The following ZNF26 variants were observed in gnomAD, a reference collection of about 807,000 sequenced individuals.
ZNF26 encodes zinc finger protein 26, also known as epididymis luminal protein 179.
Under a neutral mutation model 54.9 loss-of-function variants are expected in ZNF26, and 32 were observed. The observed-to-expected ratio is 0.58, with a 90% CI of 0.44 to 0.78. ZNF26 has a LOEUF of 0.78. Among genes scored for constraint, ZNF26 ranks in the 30% least tolerant of loss-of-function variants. The probability of loss-of-function intolerance (pLI) is 0.00; values close to 1 mark genes in which losing one functional copy is unlikely to be tolerated. For missense variants in ZNF26, 524 were observed against 634.0 expected, an observed-to-expected ratio of 0.83 and a Z score of 1.86; for synonymous variants, 221 against 209.2, an observed-to-expected ratio of 1.06 and a Z score of -0.49.
intron 1 of ZNF26, among the ~76,000 whole-genome samples, chr12:132,998,804 T>TC (rs374188861): frequency 0.016 from 2,487 of 152,304 alleles, 75 homozygotes; most frequent in African/African-American, 0.056. Context: ...AACCAGTCTC[T>TC]CAATTGTGTC....
rs77349696 is a variant in ZNF26 at position 133,026,519 on chromosome 12, C to CTTTTTTTTTT, written c.*15054_*15063dup. 2.4e-5 allele frequency: 3 copies of CTTTTTTTTTT among 122,466 alleles called. No homozygotes were observed. Among genetic ancestry groups the CTTTTTTTTTT allele is most frequent in the African/African-American group, 1.1e-4 (3 of 27,450 alleles). The allele number at this position is 122,466 out of a possible 1,614,324, so 7.6% of individuals were successfully genotyped here. On this transcript the variant is annotated 3_prime_UTR_variant, in exon 4 of 4. Coordinates refer to ENST00000328654, the MANE Select transcript of ZNF26 (RefSeq NM_019591.4). ...AAAAGGACAACTTCATATAGTTCAACTTTTTTTTTTTTTTTTTTTTTTTTT... is the reference window on the plus strand; with the variant it reads ...AAAAGGACAACTTCATATAGTTCAACTTTTTTTTTTTTTTTTTTTTTTTTTTTTTTTTTTT...
chr12:132,994,017 C>G (rs959386029), intron 1 of ZNF26, among the ~76,000 whole-genome samples: 4 of 152,132 alleles, frequency 2.6e-5, no homozygotes, highest in Non-Finnish European at 5.9e-5. Context: ...TTTGGTATAT[C>G]TCTCTTCCCT....
At chr12:133,006,818 C>T in intron 1 of ZNF26, 1 of 511,926 alleles carries the variant, frequency 2.0e-6, no homozygotes, top group Admixed American at 3.2e-5. Context: ...TGGTCTTGAA[C>T]TCCTGCCCTT....
At chr12:132,987,597 A>G (rs1952852630) in intron 1 of ZNF26, 1 of 555,082 alleles carries the variant, frequency 1.8e-6, no homozygotes. Flanking sequence ...GAGACTAGGA[A>G]TGCTATTGGA....
At position 133,026,715 on chromosome 12, in the gene ZNF26, T is replaced by TG. The variant is rs1421511570; in HGVS notation, c.*15238dup. ...ATAATGTTTGTATTTTTAGTAGAGG[T>TG]GGGGTTTCACCATGTTGACTAGGCT... On this transcript the variant is annotated 3_prime_UTR_variant, in exon 4 of 4. Coordinates refer to ENST00000328654, the MANE Select transcript of ZNF26 (RefSeq NM_019591.4). The TG allele has an allele frequency of 6.6e-6, 1 of 151,574 alleles. No individual in the cohort carries two copies. Among genetic ancestry groups the TG allele is most frequent in the South Asian group, 2.1e-4 (1 of 4,800 alleles). The allele number at this position is 151,574 out of a possible 1,614,324, so 9.4% of individuals were successfully genotyped here.
chr12:132,998,414 C>G (rs1195807840), intron 1 of ZNF26, among the ~76,000 whole-genome samples: 1 of 152,144 alleles, frequency 6.6e-6, no homozygotes, highest in Non-Finnish European at 1.5e-5. Context: ...ATCTGCCCTC[C>G]TCAGCCTCCC....
rs1371628355 is a variant in ZNF26 at position 133,023,509 on chromosome 12, T to C, written c.*12028T>C. On this transcript the variant is annotated 3_prime_UTR_variant, in exon 4 of 4. Transcript: ENST00000328654. Reference sequence around the variant, plus strand: ...AAAATAAATACAGGTCAATCTAATATATGAAAATTTTCTGAGTAAATGAAA... The same window carrying C: ...AAAATAAATACAGGTCAATCTAATACATGAAAATTTTCTGAGTAAATGAAA... 2.0e-5 allele frequency: 3 copies of C among 152,206 alleles called. No individual in the cohort carries two copies. Among genetic ancestry groups the C allele is most frequent in the African/African-American group, 7.2e-5 (3 of 41,444 alleles). The allele number at this position is 152,206 out of a possible 1,614,324, so 9.4% of individuals were successfully genotyped here. A position where few individuals can be genotyped will look rare whatever the true frequency, so the allele number is the denominator to read the frequency against.
rs1593655604 is a variant in ZNF26, at chr12:133,002,428, C to T, written c.34-4614C>T. On this transcript the variant is annotated intron_variant, in intron 1 of 3. Transcript: ENST00000328654. ...GTATCTCCTCTTACACAACCCCCTC[C>T]CTCTTCCACAGCAGTCAGGATGATC... 2.0e-5 allele frequency among the ~76,000 whole-genome samples: 3 copies of T among 152,182 alleles called. No homozygotes were observed. In the East Asian group the frequency reaches 5.8e-4, roughly 30 times the overall value.
rs781748079 is a variant in ZNF26 at position 132,991,694 on chromosome 12, T to G, written c.33+4821T>G. ...AGTGTGCACCTGTAGCCCCAGCTAC[T>G]TGGGAGGTGAGATGGTGAGGTGAGC... On this transcript the variant is annotated intron_variant, in intron 1 of 3. Coordinates refer to ENST00000328654, the MANE Select transcript of ZNF26 (RefSeq NM_019591.4). Among the ~76,000 whole-genome samples the G allele has an allele frequency of 2.0e-3, 307 of 150,976 alleles. 1 individual carries two copies. The highest frequency in any genetic ancestry group is 3.5e-3 in the Non-Finnish European group (239 of 67,868).
chr12:133,020,587 ACAACT>A lies in ZNF26; in HGVS notation c.*9111_*9115del, dbSNP rs779235142. 3.9e-4 allele frequency: 59 copies of A among 152,424 alleles called. No homozygotes were observed. The East Asian group carries it at 6.0e-3, about 15-fold the overall frequency. The allele number at this position is 152,424 out of a possible 1,614,324, so 9.4% of individuals were successfully genotyped here. On this transcript the variant is annotated 3_prime_UTR_variant, in exon 4 of 4. Coordinates refer to ENST00000328654, the MANE Select transcript of ZNF26 (RefSeq NM_019591.4). ...CAAAATCTGACAGAAATGAAGAGAGACAACTCAACAATACTAGTTGGAGACTTAAT... is the reference window on the plus strand; with the variant it reads ...CAAAATCTGACAGAAATGAAGAGAGACAACAATACTAGTTGGAGACTTAAT...
Position 133,024,762 on chromosome 12 carries a change from A to G in ZNF26, c.*13281A>G, listed in dbSNP as rs1953680887. ...TCTCATAAGCAACAGAACTGCTAAGAATTTTAAGGGTGAGGTCCCACAAAA... is the reference window on the plus strand; with the variant it reads ...TCTCATAAGCAACAGAACTGCTAAGGATTTTAAGGGTGAGGTCCCACAAAA... On this transcript the variant is annotated 3_prime_UTR_variant, in exon 4 of 4. Coordinates refer to ENST00000328654, the MANE Select transcript of ZNF26 (RefSeq NM_019591.4). 1 of 152,168 alleles carries G rather than the reference A, an allele frequency of 6.6e-6. No homozygotes were observed. Among genetic ancestry groups the G allele is most frequent in the South Asian group, 2.1e-4 (1 of 4,826 alleles). The allele number at this position is 152,168 out of a possible 1,614,324, so 9.4% of individuals were successfully genotyped here.
intron 1 of ZNF26, among the ~76,000 whole-genome samples, chr12:132,990,654 TCAC>T (rs1952929223): frequency 6.6e-6 from 1 of 152,196 alleles, no homozygotes; most frequent in Non-Finnish European, 1.5e-5. Context: ...TTGGTAGACT[TCAC>T]CAGTGAGTGA....
intron 1 of ZNF26, chr12:132,987,517 C>T (rs1952850721): frequency 6.4e-6 from 1 of 156,320 alleles, no homozygotes; most frequent in South Asian, 2.0e-4. Context: ...ATTGCCAAAT[C>T]CTTTGCCCTC....
rs757192513 is a variant in ZNF26, at chr12:133,001,854, C to T, written c.34-5188C>T. 2.3e-6 allele frequency: 1 copy of T among 427,800 alleles called. No individual in the cohort carries two copies. The highest frequency in any genetic ancestry group is 7.1e-5 in the East Asian group (1 of 14,066). 26.5% of individuals were successfully genotyped at this position (427,800 alleles called of 1,614,324 possible). A position where few individuals can be genotyped will look rare whatever the true frequency, so the allele number is the denominator to read the frequency against. ...AATTTTTCAGAGGAAAGCAGTTATT[C>T]GATCCTTGTTTACTTAAATTCTTAA... On this transcript the variant is annotated intron_variant, in intron 1 of 3. Transcript: ENST00000328654. This position sits in a 1 kb window ranked among gnomAD's most constrained non-coding sequence, Gnocchi z 4.7.
At chr12:132,987,969 A>C (rs113271670) in intron 1 of ZNF26, among the ~76,000 whole-genome samples, 5 of 152,196 alleles carry the variant, frequency 3.3e-5, no homozygotes, top group African/African-American at 1.2e-4. Flanking sequence ...CACTAATACC[A>C]CACTGCCACA....
At position 133,012,673 on chromosome 12, in the gene ZNF26, A is replaced by G. The variant is rs1953508667; in HGVS notation, c.*1192A>G. 1 of 136,804 alleles carries G rather than the reference A, an allele frequency of 7.3e-6. No homozygotes were observed. The highest frequency in any genetic ancestry group is 8.4e-5 in the Admixed American group (1 of 11,908). The allele number at this position is 136,804 out of a possible 1,614,324, so 8.5% of individuals were successfully genotyped here. ...AATGGCATGATCTCAGCTCACTGCA[A>G]CTTCCACCTCCTGGGTTCAAGCAAT... On this transcript the variant is annotated 3_prime_UTR_variant, in exon 4 of 4. Coordinates refer to ENST00000328654, the MANE Select transcript of ZNF26 (RefSeq NM_019591.4).
rs1953439962 is a variant in ZNF26, at chr12:133,010,271, G to A, written c.392G>A (p.Arg131His). 1.5e-5 allele frequency: 24 copies of A among 1,613,976 alleles called. No homozygotes were observed. The highest frequency in any genetic ancestry group is 1.2e-4 in the South Asian group (11 of 91,076). Residue 131 changes from arginine to histidine, a missense_variant, in exon 4 of 4, where the codon CGT (arginine) becomes CAT (histidine). Coordinates refer to ENST00000328654, the MANE Select transcript of ZNF26 (RefSeq NM_019591.4). ...DSSRQRLYNT[R>H]GKSLTQNSAP... ...TCAAGACAGAGACTCTATAACACACGTGGAAAAAGTTTGACACAAAACTCA... is the reference window on the plus strand; with the variant it reads ...TCAAGACAGAGACTCTATAACACACATGGAAAAAGTTTGACACAAAACTCA...
chr12:132,993,940 GAC>G (rs1313097014), intron 1 of ZNF26, among the ~76,000 whole-genome samples: 1 of 152,106 alleles, frequency 6.6e-6, no homozygotes, highest in African/African-American at 2.4e-5. Context: ...TGTTCTCCTG[GAC>G]TCTCAACCTC....
At position 133,026,882 on chromosome 12, in the gene ZNF26, A is replaced by G. The variant is rs1274542288; in HGVS notation, c.*15401A>G. On this transcript the variant is annotated 3_prime_UTR_variant, in exon 4 of 4. Coordinates refer to ENST00000328654, the MANE Select transcript of ZNF26 (RefSeq NM_019591.4). ...GATAATTCAATATTAAAGTTTATAT[A>G]TTTATCATTTTAACCAAATAATGTA... The G allele has an allele frequency of 2.0e-5, 3 of 152,222 alleles. No homozygotes were observed. The highest frequency in any genetic ancestry group is 4.4e-5 in the Non-Finnish European group (3 of 68,044). The allele number at this position is 152,222 out of a possible 1,614,324, so 9.4% of individuals were successfully genotyped here.
Sources: gnomAD v4.1 joint callset for allele counts (sites outside exome capture counted in the v4.1 genomes callset) on GRCh38, gnomAD v4.1.1 for gene constraint, Gnocchi (gnomAD v3.1) non-coding constraint, MANE v1.5 for transcripts, NCBI Gene and HGNC (gene_info 2026-07-23, HGNC 2026-07-21) for gene names.